The following ZNF385B variants were observed in gnomAD, a reference collection of about 807,000 sequenced individuals.
ZNF385B encodes the protein zinc finger protein 533.
ZNF385B carries 23 observed loss-of-function variants against 39.2 expected under a neutral mutation model. The observed-to-expected ratio is 0.59, with a 90% CI of 0.42 to 0.83. The LOEUF is 0.83. Ranked by LOEUF, ZNF385B falls within the 40% of genes least tolerant of loss-of-function variation. ZNF385B has a pLI of 0.00. For synonymous variants in ZNF385B, 205 were observed against 222.6 expected, an observed-to-expected ratio of 0.92 and a Z score of 0.70; for missense variants, 552 against 598.9, an observed-to-expected ratio of 0.92 and a Z score of 0.82.
At chr2:179,695,531 GGAGA>G (rs1254709144) in intron 3 of ZNF385B, among the ~76,000 whole-genome samples, 1 of 151,994 alleles carries the variant, frequency 6.6e-6, no homozygotes, top group Non-Finnish European at 1.5e-5. Context: ...TTGGAAAATG[GGAGA>G]GAGATTTAAA....
At chr2:179,527,323 T>G (rs2058972183) in intron 4 of ZNF385B, among the ~76,000 whole-genome samples, 1 of 152,208 alleles carries the variant, frequency 6.6e-6, no homozygotes, top group African/African-American at 2.4e-5. Flanking sequence ...TTCCTCTGTT[T>G]TCTAAACTAT....
intron 3 of ZNF385B, among the ~76,000 whole-genome samples, chr2:179,714,083 C>A (rs1700170458): frequency 6.6e-6 from 1 of 152,180 alleles, no homozygotes. Flanking sequence ...CTCTGCCCTG[C>A]AGAGAGCCAT....
chr2:179,716,383 A>G (rs1478153293), intron 3 of ZNF385B, among the ~76,000 whole-genome samples: 10 of 152,086 alleles, frequency 6.6e-5, no homozygotes, highest in African/African-American at 2.4e-4. Flanking sequence ...GTAATCCCTG[A>G]CCTATTTTCC....
intron 4 of ZNF385B, among the ~76,000 whole-genome samples, chr2:179,540,496 C>CAAAA (rs35763263): frequency 2.0e-5 from 3 of 151,396 alleles, no homozygotes; most frequent in South Asian, 2.1e-4. Context: ...ACAACAACAA[C>CAAAA]AAAAAAAACC....
chr2:179,508,918 T>C (rs189195253), intron 5 of ZNF385B, among the ~76,000 whole-genome samples: 1 of 152,232 alleles, frequency 6.6e-6, no homozygotes, highest in East Asian at 1.9e-4. Context: ...AATATAAGAT[T>C]TGATGAACAT....
intron 1 of ZNF385B, among the ~76,000 whole-genome samples, chr2:179,847,617 C>T (rs941854767): frequency 1.3e-5 from 2 of 152,278 alleles, no homozygotes; most frequent in East Asian, 1.9e-4. Flanking sequence ...TCCTTGCAGC[C>T]ACTTTTGGTT....
At chr2:179,518,662 T>G in intron 4 of ZNF385B, 24 bp from the exon 5 acceptor site, 2 of 1,467,558 alleles carry the variant, frequency 1.4e-6, no homozygotes, top group Non-Finnish European at 1.9e-6. Flanking sequence ...GAAAAAATAG[T>G]CAATTTGTAA....
chr2:179,727,839 G>T (rs1280252089), intron 3 of ZNF385B, among the ~76,000 whole-genome samples: 1 of 152,068 alleles, frequency 6.6e-6, no homozygotes, highest in African/African-American at 2.4e-5. Flanking sequence ...TCTTATTTGT[G>T]AGCAGATGCC....
At chr2:179,574,696 T>G (rs1253956197) in intron 3 of ZNF385B, among the ~76,000 whole-genome samples, 2 of 152,166 alleles carry the variant, frequency 1.3e-5, no homozygotes, top group Non-Finnish European at 2.9e-5. Flanking sequence ...TTGAAGAAAT[T>G]ATATTCTTCA....
At position 179,655,920 on chromosome 2, in the gene ZNF385B, AG is replaced by A. The variant is rs533999500; in HGVS notation, c.299-110952del. Among the ~76,000 whole-genome samples, 14 of 152,318 alleles carry A rather than the reference AG, an allele frequency of 9.2e-5. No homozygotes were observed. The South Asian group carries it at 2.9e-3, about 32-fold the overall frequency. ...CAGTGCAATGTAGTATTTAAAGAAA[AG>A]GTATTTCAATAGAATAGCCCAGACA... On this transcript the variant is annotated intron_variant, in intron 3 of 9. Transcript: ENST00000410066.
chr2:179,850,075 A>C (rs1341642407), intron 1 of ZNF385B, among the ~76,000 whole-genome samples: 1 of 152,168 alleles, frequency 6.6e-6, no homozygotes. Flanking sequence ...GGCATATAGT[A>C]GGTGTTTAAT....
chr2:179,644,659 T>TAA (rs1559024038), intron 3 of ZNF385B, among the ~76,000 whole-genome samples: 1 of 152,198 alleles, frequency 6.6e-6, no homozygotes, highest in Non-Finnish European at 1.5e-5. Flanking sequence ...TTTATTCCTA[T>TAA]AATTTCCTGA....
At chr2:179,749,048 C>T (rs1164113883) in intron 3 of ZNF385B, among the ~76,000 whole-genome samples, 2 of 152,140 alleles carry the variant, frequency 1.3e-5, no homozygotes, top group East Asian at 3.9e-4. Flanking sequence ...TTTGACAATA[C>T]AACATAATTT....
chr2:179,769,528 G>A lies in ZNF385B; in HGVS notation c.273C>T (p.Ala91=), dbSNP rs375049474. The change falls in exon 3 of 10, where the codon GCC becomes GCT. Residue 91 remains alanine, a synonymous_variant. Coordinates refer to ENST00000410066, the MANE Select transcript of ZNF385B (RefSeq NM_152520.6). ...SDGQPPPPAQ[A]SPSSNSSTGS... is the part of the protein sequence containing the mutation. ...CTGTGCTGCTGTTGCTGCTGGGGCT[G>A]GCCTGGGCGGGTGGTGGGGGCTGCC... is the stretch of plus-strand genomic sequence containing the variant. 8.7e-6 allele frequency: 14 copies of A among 1,613,874 alleles called. No individual in the cohort carries two copies. The highest frequency in any genetic ancestry group is 1.2e-5 in the Non-Finnish European group (14 of 1,180,006).
At chr2:179,671,459 A>G (rs1027105959) in intron 3 of ZNF385B, among the ~76,000 whole-genome samples, 13 of 152,236 alleles carry the variant, frequency 8.5e-5, no homozygotes, top group African/African-American at 3.1e-4. Flanking sequence ...CATATTCAAG[A>G]CAAAACACGA....
intron 3 of ZNF385B, among the ~76,000 whole-genome samples, chr2:179,588,469 T>G (rs1174910311): frequency 1.3e-5 from 2 of 152,134 alleles, no homozygotes; most frequent in Non-Finnish European, 2.9e-5. Context: ...TTATTGAACA[T>G]GCTAGAAGTT....
At chr2:179,834,150 T>A (rs1708124276) in intron 1 of ZNF385B, among the ~76,000 whole-genome samples, 1 of 152,156 alleles carries the variant, frequency 6.6e-6, no homozygotes, top group South Asian at 2.1e-4. Flanking sequence ...TATATGTATG[T>A]GTGTGCACTG....
intron 3 of ZNF385B, among the ~76,000 whole-genome samples, chr2:179,715,967 A>C (rs573142312): frequency 6.6e-6 from 1 of 152,276 alleles, no homozygotes; most frequent in African/African-American, 2.4e-5. Context: ...GCTTTTCAAT[A>C]TCGTTGAATT....
intron 4 of ZNF385B, among the ~76,000 whole-genome samples, chr2:179,537,731 ACT>A (rs1362192336): frequency 6.6e-6 from 1 of 150,556 alleles, no homozygotes; most frequent in Non-Finnish European, 1.5e-5. Context: ...ACAGAGCAAG[ACT>A]CTGTCTCAAA....
Sources: gnomAD v4.1 joint callset for allele counts (sites outside exome capture counted in the v4.1 genomes callset) on GRCh38, gnomAD v4.1.1 for gene constraint, MANE v1.5 for transcripts, NCBI Gene and HGNC (gene_info 2026-07-23, HGNC 2026-07-21) for gene names.